Variants in PTAFR observed in about 807,000 individuals in gnomAD.
PTAFR encodes the protein platelet-activating factor receptor.
Under a neutral mutation model 14.7 loss-of-function variants are expected in PTAFR, and 8 were observed. The observed-to-expected ratio is 0.54, with a 90% CI of 0.32 to 0.98. PTAFR has a LOEUF of 0.98. Ranked by LOEUF, PTAFR falls within the 50% of genes least tolerant of loss-of-function variation. The pLI, the probability that PTAFR is intolerant of heterozygous loss-of-function variation, is 0.04. For missense variants in PTAFR, 337 were observed against 451.2 expected (o/e 0.75, Z 2.29); for synonymous variants, 156 against 176.5 (o/e 0.88, Z 0.92).
intron 1 of PTAFR, among the ~76,000 whole-genome samples, chr1:28,167,218 CA>C (rs958116294): frequency 6.6e-6 from 1 of 152,072 alleles, no homozygotes; most frequent in Non-Finnish European, 1.5e-5. Flanking sequence ...AACCAGATAT[CA>C]GATAAGGGGT....
Position 28,150,126 on chromosome 1 carries a change from T to A in PTAFR, c.896A>T (p.Lys299Met). 1 of 1,614,166 alleles carries A rather than the reference T, an allele frequency of 6.2e-7. No homozygotes were observed. Among genetic ancestry groups the A allele is most frequent in the Non-Finnish European group, 8.5e-7 (1 of 1,180,022 alleles). Reference protein sequence around the residue: ...DPVIYCFLTKKFRKHLTEKFY... With the variant: ...DPVIYCFLTKMFRKHLTEKFY... ...CTTTTCGGTGAGGTGCTTGCGGAAC[T>A]TCTTGGTGAGGAAACAGTAGATAAC... The change falls in exon 2 of 2, where the codon AAG becomes ATG. Residue 299 changes from lysine (K) to methionine (M), a missense_variant. Transcript: ENST00000373857. This position sits in a 1 kb window ranked among gnomAD's most constrained non-coding sequence, Gnocchi z 6.3.
At chr1:28,173,105 C>CAAA (rs68034962) in intron 1 of PTAFR, among the ~76,000 whole-genome samples, 319 of 47,032 alleles carry the variant, frequency 6.8e-3, no homozygotes, top group African/African-American at 8.1e-3. Flanking sequence ...CCCGTTTCCA[C>CAAA]AAAAAAAAAA....
intron 1 of PTAFR, among the ~76,000 whole-genome samples, chr1:28,173,293 A>G: frequency 1.3e-5 from 1 of 75,808 alleles, no homozygotes; most frequent in South Asian, 5.6e-4. Flanking sequence ...GTCTCTTAAA[A>G]AAAAAGGGGG....
At chr1:28,179,292 C>G (rs950628941), upstream of PTAFR, among the ~76,000 whole-genome samples, 1 of 152,212 alleles carries the variant, frequency 6.6e-6, no homozygotes. Context: ...GTCTCCAGGA[C>G]GCCTGGCTCA....
intron 1 of PTAFR, among the ~76,000 whole-genome samples, chr1:28,166,539 C>T (rs192662161): frequency 8.5e-4 from 130 of 152,050 alleles, no homozygotes; most frequent in African/African-American, 2.7e-3. Context: ...GGCATGATGG[C>T]GGGTGCCTGT....
upstream of PTAFR, among the ~76,000 whole-genome samples, chr1:28,178,763 C>T (rs1025734703): frequency 4.6e-5 from 7 of 152,102 alleles, no homozygotes; most frequent in African/African-American, 1.4e-4. Context: ...TGCACACTCA[C>T]GCCCAGTCTC....
chr1:28,174,562 G>A (rs1016394292), intron 1 of PTAFR, among the ~76,000 whole-genome samples: 3 of 152,110 alleles, frequency 2.0e-5, no homozygotes, highest in Admixed American at 6.6e-5. Context: ...ACTGAGGCCC[G>A]GAGATGAGAA....
intron 1 of PTAFR, among the ~76,000 whole-genome samples, chr1:28,166,963 G>A (rs549876321): frequency 6.6e-6 from 1 of 151,986 alleles, no homozygotes; most frequent in South Asian, 2.1e-4. Context: ...GGCAACAGAG[G>A]GAGACTCTGT....
chr1:28,175,771 C>T (rs1481821954), intron 1 of PTAFR, among the ~76,000 whole-genome samples: 2 of 152,136 alleles, frequency 1.3e-5, no homozygotes, highest in Admixed American at 6.6e-5. Flanking sequence ...AGTACCCCGC[C>T]CTGTACCAGA....
chr1:28,181,472 C>T (rs1308383944), upstream of PTAFR, among the ~76,000 whole-genome samples: 1 of 152,122 alleles, frequency 6.6e-6, no homozygotes, highest in Non-Finnish European at 1.5e-5. Context: ...TCTAGCCGGG[C>T]GCGGTGGCTC....
chr1:28,167,158 A>T (rs749055144), intron 1 of PTAFR, among the ~76,000 whole-genome samples: 2 of 152,320 alleles, frequency 1.3e-5, no homozygotes, highest in Non-Finnish European at 2.9e-5. Flanking sequence ...AACAATCAGC[A>T]GAGTGGAAAG....
chr1:28,162,140 T>A (rs780541023), intron 1 of PTAFR, among the ~76,000 whole-genome samples: 4 of 152,098 alleles, frequency 2.6e-5, no homozygotes, highest in Non-Finnish European at 4.4e-5. Flanking sequence ...TCAGTGTCGC[T>A]AAGCAGGCAA....
chr1:28,156,591 GA>G (rs1646266052), intron 1 of PTAFR, among the ~76,000 whole-genome samples: 1 of 152,106 alleles, frequency 6.6e-6, no homozygotes, highest in Admixed American at 6.6e-5. Flanking sequence ...AAAATTTTTA[GA>G]ATGTCTAAGT....
intron 1 of PTAFR, among the ~76,000 whole-genome samples, chr1:28,191,938 A>C (rs1646657067): frequency 6.6e-6 from 1 of 152,012 alleles, no homozygotes; most frequent in African/African-American, 2.4e-5. Flanking sequence ...ATGGTGGTGC[A>C]TGCCTGTGGT....
upstream of PTAFR, among the ~76,000 whole-genome samples, chr1:28,178,418 G>A (rs1256052632): frequency 4.0e-5 from 6 of 151,586 alleles, no homozygotes; most frequent in Non-Finnish European, 4.4e-5. Context: ...GCACTGCCAC[G>A]CCCGGCTAAT....
intron 1 of PTAFR, among the ~76,000 whole-genome samples, chr1:28,185,025 A>G (rs1454352744): frequency 1.3e-5 from 2 of 151,912 alleles, no homozygotes; most frequent in Non-Finnish European, 2.9e-5. Flanking sequence ...CTCAAAAGCC[A>G]CTTTCTCAGT....
Position 28,150,055 on chromosome 1 carries a change from C to T in PTAFR, c.967G>A (p.Asp323Asn), listed in dbSNP as rs780295701. The T allele has an allele frequency of 1.9e-6, 3 of 1,614,186 alleles. No homozygotes were observed. The Admixed American group carries it at 5.0e-5, about 27-fold the overall frequency. Residue 323 changes from aspartate to asparagine, a missense_variant, in exon 2 of 2, where the codon GAT (aspartate) becomes AAT (asparagine). Transcript: ENST00000373857. The surrounding 1 kb of genome is among the most constrained non-coding windows in gnomAD (Gnocchi z 6.3). ...SSRKCSRATT[D>N]TVTEVVVPFN... ...GGCACAACCACTTCAGTGACCGTAT[C>T]CGTGGTGGCCCGGGAGCATTTCCGG...
At chr1:28,177,799 G>A (rs1646530276), upstream of PTAFR, among the ~76,000 whole-genome samples, 1 of 152,000 alleles carries the variant, frequency 6.6e-6, no homozygotes, top group South Asian at 2.1e-4. Context: ...GAGCATGCAG[G>A]TGAAGAGGGG....
chr1:28,185,437 G>A (rs1055335177), intron 1 of PTAFR, among the ~76,000 whole-genome samples: 9 of 152,190 alleles, frequency 5.9e-5, no homozygotes, highest in African/African-American at 1.9e-4. Context: ...TTTGCCAAGA[G>A]TGTTGTGGAC....
Sources: gnomAD v4.1 joint callset for allele counts (sites outside exome capture counted in the v4.1 genomes callset) on GRCh38, gnomAD v4.1.1 for gene constraint, Gnocchi (gnomAD v3.1) non-coding constraint, MANE v1.5 for transcripts, NCBI Gene and HGNC (gene_info 2026-07-23, HGNC 2026-07-21) for gene names.